The following AGBL4 variants were observed in gnomAD, a reference collection of about 807,000 sequenced individuals.
AGBL4 encodes AGBL carboxypeptidase 4, also known as cytosolic carboxypeptidase 6.
Under a neutral mutation model 66.4 loss-of-function variants are expected in AGBL4, and 58 were observed. The observed-to-expected ratio is 0.87, with a 90% CI of 0.71 to 1.09. The LOEUF is 1.09. AGBL4 is among the 50% of genes least tolerant of loss of function. The pLI is 0.00. For missense variants in AGBL4, 579 were observed against 631.0 expected (o/e 0.92, Z 0.88); for synonymous variants, 234 against 222.9 (o/e 1.05, Z -0.44).
At chr1:48,770,726 T>G (rs1412555815) in intron 6 of AGBL4, among the ~76,000 whole-genome samples, 6 of 152,152 alleles carry the variant, frequency 3.9e-5, no homozygotes, top group Admixed American at 3.3e-4. Context: ...CAGCTACACT[T>G]CCAGGGTTCT....
At chr1:49,257,628 G>A (rs936077797) in intron 3 of AGBL4, among the ~76,000 whole-genome samples, 1 of 152,212 alleles carries the variant, frequency 6.6e-6, no homozygotes, top group African/African-American at 2.4e-5. Flanking sequence ...TCCCGAGTGA[G>A]GCAATGCCTC....
At chr1:48,778,672 T>C (rs1489722690) in intron 6 of AGBL4, among the ~76,000 whole-genome samples, 3 of 152,248 alleles carry the variant, frequency 2.0e-5, no homozygotes, top group Non-Finnish European at 4.4e-5. Flanking sequence ...TGTGTGTGTG[T>C]ATGTAACTAT....
intron 4 of AGBL4, among the ~76,000 whole-genome samples, chr1:49,055,607 T>C (rs1644294246): frequency 6.6e-6 from 1 of 152,036 alleles, no homozygotes; most frequent in Non-Finnish European, 1.5e-5. Flanking sequence ...GAGAACATAT[T>C]AGAAAAAATA....
Position 48,896,837 on chromosome 1 carries a change from A to T in AGBL4, c.595-29607T>A, listed in dbSNP as rs530283077. On this transcript the variant is annotated intron_variant, in intron 5 of 13. Transcript: ENST00000371839. ...TTGAAGCAAACTAATACTTGAAAAA[A>T]AGCAGCTTTAATTAGACAATGATAC... Among the ~76,000 whole-genome samples the T allele has an allele frequency of 2.3e-3, 350 of 152,294 alleles. 2 individuals carry two copies. Among genetic ancestry groups the T allele is most frequent in the Admixed American group, 5.0e-3 (77 of 15,296 alleles).
chr1:49,168,400 C>T (rs1263472138), intron 4 of AGBL4, among the ~76,000 whole-genome samples: 1 of 152,122 alleles, frequency 6.6e-6, no homozygotes, highest in Non-Finnish European at 1.5e-5. Context: ...ATTCACCTCC[C>T]CAGATTGCTC....
chr1:49,952,371 A>T (rs1656237787), intron 1 of AGBL4, among the ~76,000 whole-genome samples: 1 of 151,942 alleles, frequency 6.6e-6, no homozygotes, highest in Non-Finnish European at 1.5e-5. Flanking sequence ...ATAAAATCAC[A>T]AAAGTTAAGC....
chr1:48,816,275 T>C (rs1169627380), intron 6 of AGBL4, among the ~76,000 whole-genome samples: 3 of 152,158 alleles, frequency 2.0e-5, no homozygotes, highest in East Asian at 1.9e-4. Context: ...AAGGTAACCT[T>C]TGAAATAGTT....
chr1:48,827,759 G>A (rs1646458650), intron 6 of AGBL4, among the ~76,000 whole-genome samples: 1 of 152,126 alleles, frequency 6.6e-6, no homozygotes, highest in Non-Finnish European at 1.5e-5. Flanking sequence ...CACAGGCTGG[G>A]GGATGAGACA....
At position 48,614,972 on chromosome 1, in the gene AGBL4, T is replaced by C. The variant is rs1030359146; in HGVS notation, c.951+19521A>G. 5.3e-5 allele frequency among the ~76,000 whole-genome samples: 8 copies of C among 151,886 alleles called. No homozygotes were observed. In the East Asian group the frequency reaches 1.6e-3, roughly 30 times the overall value. On this transcript the variant is annotated intron_variant, in intron 9 of 13. Coordinates refer to ENST00000371839, the MANE Select transcript of AGBL4 (RefSeq NM_032785.4). ...TATACTATGTGCTCATTTACAGCTG[T>C]GACAATGACAGAAGGCTTTCTGGAA...
At chr1:49,159,840 G>C (rs1484705316) in intron 4 of AGBL4, among the ~76,000 whole-genome samples, 1 of 151,738 alleles carries the variant, frequency 6.6e-6, no homozygotes, top group East Asian at 1.9e-4. Context: ...ATCCTTTCTT[G>C]TGCTTGATTG....
rs147342225 is a variant in AGBL4, at chr1:49,619,957, T to C, written c.282+77356A>G. ...AACTGGACCCCTTCCCTACATCTTA[T>C]ACAAAAATTAATTCAAGATGGGTTA... is the stretch of plus-strand genomic sequence containing the variant. On this transcript the variant is annotated intron_variant, in intron 3 of 13. Transcript: ENST00000371839. 1.5e-4 allele frequency among the ~76,000 whole-genome samples: 23 copies of C among 152,228 alleles called. No individual in the cohort carries two copies. In the East Asian group the frequency reaches 4.4e-3, roughly 29 times the overall value.
chr1:49,250,930 G>A (rs1411058910), intron 3 of AGBL4, among the ~76,000 whole-genome samples: 2 of 152,152 alleles, frequency 1.3e-5, no homozygotes, highest in East Asian at 1.9e-4. Context: ...TTTGGTGCAG[G>A]GGCATCTGTA....
chr1:49,302,808 T>G (rs866622582), intron 3 of AGBL4, among the ~76,000 whole-genome samples: 3 of 151,844 alleles, frequency 2.0e-5, no homozygotes, highest in African/African-American at 7.3e-5. Flanking sequence ...TATCCTGATG[T>G]TCTCCCTCCC....
chr1:49,175,852 T>C (rs1032571116), intron 4 of AGBL4, among the ~76,000 whole-genome samples: 1 of 152,150 alleles, frequency 6.6e-6, no homozygotes, highest in Non-Finnish European at 1.5e-5. Flanking sequence ...TGCTATGAAC[T>C]ACCTGCAAAA....
intron 8 of AGBL4, among the ~76,000 whole-genome samples, chr1:48,642,563 A>G (rs915147499): frequency 3.5e-4 from 54 of 152,158 alleles, no homozygotes; most frequent in African/African-American, 1.3e-3. Context: ...CACATTTCAA[A>G]GATGGGGAAT....
At chr1:49,297,179 G>A (rs1423741733) in intron 3 of AGBL4, among the ~76,000 whole-genome samples, 2 of 152,122 alleles carry the variant, frequency 1.3e-5, no homozygotes, top group African/African-American at 4.8e-5. Flanking sequence ...AGAGAATCTT[G>A]CTTCATTCAC....
chr1:49,151,863 T>A (rs1646342513), intron 4 of AGBL4, among the ~76,000 whole-genome samples: 1 of 152,148 alleles, frequency 6.6e-6, no homozygotes, highest in Non-Finnish European at 1.5e-5. Flanking sequence ...GTAATACCTA[T>A]TAACATCTAT....
chr1:49,302,101 C>G (rs1644755727), intron 3 of AGBL4, among the ~76,000 whole-genome samples: 1 of 152,018 alleles, frequency 6.6e-6, no homozygotes, highest in Admixed American at 6.6e-5. Flanking sequence ...CTCCTCTCCC[C>G]CAACCCTTTT....
chr1:48,804,860 G>A (rs1279412342), intron 6 of AGBL4, among the ~76,000 whole-genome samples: 1 of 152,114 alleles, frequency 6.6e-6, no homozygotes, highest in Non-Finnish European at 1.5e-5. Flanking sequence ...CAGAAATTTT[G>A]TTTTACATTT....
Sources: allele counts gnomAD v4.1 joint callset (sites outside exome capture counted in the v4.1 genomes callset), GRCh38; gene constraint gnomAD v4.1.1; transcripts MANE v1.5; gene names NCBI Gene and HGNC (gene_info 2026-07-23, HGNC 2026-07-21).